PNLDC1: variants seen among roughly 807,000 people sequenced by gnomAD.
PNLDC1 encodes the protein poly(A)-specific ribonuclease PNLDC1.
Under a neutral mutation model 82.0 loss-of-function variants are expected in PNLDC1, and 70 were observed. The observed-to-expected ratio is 0.85, with a 90% CI of 0.70 to 1.04. PNLDC1 has a LOEUF of 1.04. Ranked by LOEUF, PNLDC1 falls within the 50% of genes least tolerant of loss-of-function variation. The pLI is 0.00. For missense variants in PNLDC1, 631 were observed against 661.1 expected, an observed-to-expected ratio of 0.95 and a Z score of 0.50; for synonymous variants, 280 against 249.3, an observed-to-expected ratio of 1.12 and a Z score of -1.16.
At chr6:159,807,699 G>T (rs547915793) in intron 7 of PNLDC1, among the ~76,000 whole-genome samples, 1 of 152,312 alleles carries the variant, frequency 6.6e-6, no homozygotes, top group Non-Finnish European at 1.5e-5. Flanking sequence ...ATAGATAAGA[G>T]ATCTATTCTA....
chr6:159,804,021 ACTC>A lies in PNLDC1; in HGVS notation c.306_308del (p.Asp102_Ser103delinsGlu). On this transcript the variant is annotated inframe_deletion, in exon 5 of 19. Coordinates refer to ENST00000392167, the MANE Select transcript of PNLDC1 (RefSeq NM_001271862.2). ...TTCCCTACAACGTTTGGGATTTTGG[ACTC>A]AGAATTCTCCTTCCAGGCTTCCAGT... The A allele has an allele frequency of 6.2e-7, 1 of 1,613,714 alleles. No individual in the cohort carries two copies. Among genetic ancestry groups the A allele is most frequent in the Non-Finnish European group, 8.5e-7 (1 of 1,179,740 alleles).
chr6:159,800,216 G>A (rs1035191643), upstream of PNLDC1: 5 of 1,272,706 alleles, frequency 3.9e-6, no homozygotes, highest in Middle Eastern at 2.7e-4. Context: ...CCATGTGTGC[G>A]CCCTTTAAGA....
rs1781237054 is a variant in PNLDC1, at chr6:159,801,130, C to A, written c.152C>A (p.Ser51Ter). Residue 51 changes from serine to a stop codon, truncating the protein, a stop_gained, in exon 3 of 19, where the codon TCG becomes TAG. Coordinates refer to ENST00000392167, the MANE Select transcript of PNLDC1 (RefSeq NM_001271862.2). LOFTEE classifies it high-confidence loss of function. The part of the protein sequence containing the change: ...PQQISLFDLP[S>*]EWYLKTRQSV... ...GTTCACAGTCTTTTTGATTTGCCAT[C>A]GGAGTGGTATCTAAAGACCCGTCAG... 6.2e-7 allele frequency: 1 copy of A among 1,614,000 alleles called. No homozygotes were observed. The highest frequency in any genetic ancestry group is 8.5e-7 in the Non-Finnish European group (1 of 1,180,010).
chr6:159,800,791 G>A lies in PNLDC1; in HGVS notation c.96G>A (p.Thr32=), dbSNP rs185464452. Reference sequence around the variant, plus strand: ...TGGCAGGTCTGGACATAGAGTTCACGGGCCTTCGTTCTAACCTGTCTGGGC... The same window carrying A: ...TGGCAGGTCTGGACATAGAGTTCACAGGCCTTCGTTCTAACCTGTCTGGGC... The part of the protein sequence containing the change: ...ADFVGLDIEF[T]GLRSNLSGPQ... Residue 32 remains threonine (T), a synonymous_variant, in exon 2 of 19, where the codon ACG becomes ACA. Transcript: ENST00000392167. The A allele has an allele frequency of 7.2e-5, 117 of 1,614,154 alleles. No homozygotes were observed. In the East Asian group the frequency reaches 1.8e-3, roughly 26 times the overall value.
intron 12 of PNLDC1, among the ~76,000 whole-genome samples, chr6:159,815,589 G>T (rs186012154): frequency 7.6e-4 from 116 of 152,344 alleles, no homozygotes; most frequent in Admixed American, 3.1e-3. Context: ...CCAGAAGCCT[G>T]CAGGGTCCTG....
In PNLDC1 at chr6:159,804,461, CCTTT is replaced by C. The variant is rs931228586; in HGVS notation, c.373-85_373-82del. On this transcript the variant is annotated intron_variant, in intron 5 of 18. Coordinates refer to ENST00000392167, the MANE Select transcript of PNLDC1 (RefSeq NM_001271862.2). ...GGCTTATACAGCCCGTCTCCTTTCC[CCTTT>C]CTACCTGTCCTCGTGAAATCAGGCA... 3 of 900,010 alleles carry C rather than the reference CCTTT, an allele frequency of 3.3e-6. No individual in the cohort carries two copies. The African/African-American group carries it at 5.0e-5, about 15-fold the overall frequency. The allele number at this position is 900,010 out of a possible 1,614,324, so 55.8% of individuals were successfully genotyped here. A position where few individuals can be genotyped will look rare whatever the true frequency, so the allele number is the denominator to read the frequency against.
Position 159,818,536 on chromosome 6 carries a change from G to A in PNLDC1, c.1158-19G>A. ...AACTTCTGTGCGCCCGACAGCTTTG[G>A]GGTTTTCTGTCCTTGCAGCATCGAC... is the stretch of plus-strand genomic sequence containing the variant. On this transcript the variant is annotated intron_variant, in intron 15 of 18. Transcript: ENST00000392167. The A allele has an allele frequency of 6.2e-7, 1 of 1,609,136 alleles. No homozygotes were observed. Among genetic ancestry groups the A allele is most frequent in the South Asian group, 1.1e-5 (1 of 90,986 alleles).
In PNLDC1 at chr6:159,819,289, C is replaced by T. The variant is rs779684176; in HGVS notation, c.1469C>T (p.Pro490Leu). The part of the protein sequence containing the change: ...RNILKEYRDH[P>L]TLCISLYRYW... ...ATCCTGAAGGAGTACCGGGACCACC[C>T]GACCCTGTGCATCTCCCTGTACCGC... Residue 490 changes from proline to leucine, a missense_variant, in exon 18 of 19, where the codon CCG becomes CTG. Pro to Leu is a moderately conservative substitution (Grantham distance 98). Transcript: ENST00000392167. The surrounding 1 kb of genome is among the most constrained non-coding windows in gnomAD (Gnocchi z 4.6). 6.2e-6 allele frequency: 10 copies of T among 1,613,930 alleles called. No homozygotes were observed. The highest frequency in any genetic ancestry group is 2.2e-5 in the South Asian group (2 of 91,076).
At chr6:159,808,588 G>C (rs1781534820) in intron 7 of PNLDC1, 152 bp from the exon 8 acceptor site, 4 of 653,888 alleles carry the variant, frequency 6.1e-6, no homozygotes, top group Non-Finnish European at 1.1e-5. Context: ...GACAGGCCAG[G>C]CCCTGCCACA....
Position 159,803,382 on chromosome 6 carries a change from G to A in PNLDC1, c.248+72G>A, listed in dbSNP as rs1229609189. On this transcript the variant is annotated intron_variant, in intron 4 of 18. Transcript: ENST00000392167. The stretch of plus-strand genomic sequence containing the variant: ...TCCACAGCTGCCACCTTCAAATTCT[G>A]CCTCAGGTGCCCCGATCACTTTTGC... The A allele has an allele frequency of 3.5e-6, 5 of 1,412,894 alleles. No homozygotes were observed. The African/African-American group carries it at 7.1e-5, about 20-fold the overall frequency. The allele number at this position is 1,412,894 out of a possible 1,614,324, so 87.5% of individuals were successfully genotyped here. A position where few individuals can be genotyped will look rare whatever the true frequency, so the allele number is the denominator to read the frequency against.
In PNLDC1 at chr6:159,819,322, G is replaced by T. The variant is rs745922658; in HGVS notation, c.1502G>T (p.Arg501Met). The T allele has an allele frequency of 6.2e-7, 1 of 1,613,872 alleles. No homozygotes were observed. The highest frequency in any genetic ancestry group is 1.7e-5 in the Admixed American group (1 of 60,012). ...TGCATCTCCCTGTACCGCTACTGGA[G>T]GCACTCCCCAAACGTCAACTGCCTG... ...TLCISLYRYW[R>M]HSPNVNCLLQ... Residue 501 changes from arginine to methionine, a missense_variant, in exon 18 of 19, where the codon AGG becomes ATG. Arg to Met is a moderately conservative substitution (Grantham distance 91, BLOSUM62 -1). Coordinates refer to ENST00000392167, the MANE Select transcript of PNLDC1 (RefSeq NM_001271862.2). This position sits in a 1 kb window ranked among gnomAD's most constrained non-coding sequence, Gnocchi z 4.6.
intron 7 of PNLDC1, among the ~76,000 whole-genome samples, chr6:159,806,378 T>C (rs1444547658): frequency 6.6e-6 from 1 of 152,242 alleles, no homozygotes; most frequent in Non-Finnish European, 1.5e-5. Flanking sequence ...TCTTGACTTT[T>C]GTTAATCACT....
chr6:159,812,929 G>A (rs957611818), intron 11 of PNLDC1, among the ~76,000 whole-genome samples: 8 of 152,146 alleles, frequency 5.3e-5, no homozygotes, highest in Non-Finnish European at 1.2e-4. Flanking sequence ...AGGCGTAAGT[G>A]GGAGGATCAC....
intron 4 of PNLDC1, among the ~76,000 whole-genome samples, chr6:159,803,585 A>G (rs1423740650): frequency 6.6e-6 from 1 of 152,220 alleles, no homozygotes; most frequent in Non-Finnish European, 1.5e-5. Context: ...TATTAATAAA[A>G]GCGCCTGACA....
intron 10 of PNLDC1, among the ~76,000 whole-genome samples, chr6:159,811,073 G>A (rs1349298313): frequency 1.3e-5 from 2 of 152,140 alleles, no homozygotes; most frequent in African/African-American, 2.4e-5. Context: ...GTGGGAGGTC[G>A]GGAGTGAGGT....
chr6:159,818,848 C>T (rs1781935061), intron 16 of PNLDC1, 98 bp from the exon 17 acceptor site: 8 of 1,410,344 alleles, frequency 5.7e-6, no homozygotes, highest in Non-Finnish European at 7.8e-6. Context: ...CCTCCCTGCC[C>T]CAAGCAGAGC....
At chr6:159,803,699 G>A (rs1781344504) in intron 4 of PNLDC1, among the ~76,000 whole-genome samples, 1 of 152,148 alleles carries the variant, frequency 6.6e-6, no homozygotes, top group Non-Finnish European at 1.5e-5. Flanking sequence ...GCAGTTGAGG[G>A]TGCCAGCCTG....
At chr6:159,808,339 G>C (rs993472672) in intron 7 of PNLDC1, among the ~76,000 whole-genome samples, 2 of 152,092 alleles carry the variant, frequency 1.3e-5, no homozygotes, top group Non-Finnish European at 2.9e-5. Context: ...CACTCTTCTC[G>C]CTAAGTTTTT....
chr6:159,801,223 G>A (rs1165748117), intron 3 of PNLDC1, 37 bp downstream of exon 3: 3 of 1,579,154 alleles, frequency 1.9e-6, no homozygotes, highest in South Asian at 1.1e-5. Context: ...TTTTCAAGAA[G>A]GTATTTTTAT....
Sources: allele counts gnomAD v4.1 joint callset (sites outside exome capture counted in the v4.1 genomes callset), GRCh38; gene constraint gnomAD v4.1.1; non-coding constraint Gnocchi (gnomAD v3.1); transcripts MANE v1.5; gene names NCBI Gene and HGNC (gene_info 2026-07-23, HGNC 2026-07-21).